The following ZFAT variants were observed in gnomAD, a reference collection of about 807,000 sequenced individuals.
ZFAT encodes zinc finger and AT-hook domain containing, also known as zinc finger protein ZFAT.
Under a neutral mutation model 117.7 loss-of-function variants are expected in ZFAT, and 64 were observed. The ratio of observed to expected loss-of-function variants is 0.54; its 90% CI spans 0.44 to 0.67. The LOEUF is 0.67. ZFAT is among the 30% of genes least tolerant of loss of function. The pLI is 0.00. For missense variants in ZFAT, 1,433 were observed against 1,584.5 expected (o/e 0.90, Z 1.62); for synonymous variants, 679 against 615.0 (o/e 1.10, Z -1.54).
chr8:134,819,621 C>G, the ZFAT span, among the ~76,000 whole-genome samples: 4 of 151,302 alleles, frequency 2.6e-5, no homozygotes, highest in East Asian at 7.8e-4. Context: ...TGACTTCTTT[C>G]TGGGCTCCTA....
At chr8:134,687,888 G>T (rs1833404324) in intron 1 of ZFAT, among the ~76,000 whole-genome samples, 1 of 152,158 alleles carries the variant, frequency 6.6e-6, no homozygotes, top group African/African-American at 2.4e-5. Context: ...TCCTCCGTGG[G>T]GCAGGCCTGC....
chr8:134,624,079 G>A (rs958668750), intron 3 of ZFAT, among the ~76,000 whole-genome samples: 1 of 152,100 alleles, frequency 6.6e-6, no homozygotes, highest in African/African-American at 2.4e-5. Flanking sequence ...TACACAAAGA[G>A]TAGGCGCTCG....
At chr8:134,600,714 T>G (rs765237036) in intron 6 of ZFAT, 46 bp from the exon 7 acceptor site, 22 of 1,430,952 alleles carry the variant, frequency 1.5e-5, no homozygotes, top group Non-Finnish European at 2.1e-5. Flanking sequence ...TCATTTTGAC[T>G]GATTTTGAAT....
At chr8:134,613,967 T>G (rs150284902) in intron 3 of ZFAT, among the ~76,000 whole-genome samples, 1 of 152,252 alleles carries the variant, frequency 6.6e-6, no homozygotes, top group Non-Finnish European at 1.5e-5. Context: ...CCTGGACTTC[T>G]TGTTACACGA....
At chr8:134,822,943 A>G in the ZFAT span, among the ~76,000 whole-genome samples, 6 of 152,148 alleles carry the variant, frequency 3.9e-5, no homozygotes, top group African/African-American at 1.4e-4. Context: ...CCCAAGCCAA[A>G]AAAGGAAAAT....
chr8:134,645,976 G>A (rs553733272), intron 2 of ZFAT, among the ~76,000 whole-genome samples: 5 of 152,126 alleles, frequency 3.3e-5, no homozygotes, highest in Non-Finnish European at 7.4e-5. Context: ...GCCGAGGCGG[G>A]TGGATCACAA....
At chr8:134,519,293 T>G (rs959731062) in intron 13 of ZFAT, among the ~76,000 whole-genome samples, 1 of 152,230 alleles carries the variant, frequency 6.6e-6, no homozygotes, top group Non-Finnish European at 1.5e-5. Flanking sequence ...TCTAGGTTTA[T>G]GTCTCTTTCA....
At chr8:134,614,111 G>T (rs1476197290) in intron 3 of ZFAT, among the ~76,000 whole-genome samples, 1 of 152,058 alleles carries the variant, frequency 6.6e-6, no homozygotes, top group Non-Finnish European at 1.5e-5. Context: ...ATCTAATCCT[G>T]TCACTTGCCT....
intron 15 of ZFAT, among the ~76,000 whole-genome samples, chr8:134,495,331 C>G (rs899444518): frequency 5.3e-5 from 8 of 152,162 alleles, no homozygotes; most frequent in Non-Finnish European, 1.2e-4. Context: ...ATCAAGCTCT[C>G]TCCTCTCTTA....
intron 1 of ZFAT, chr8:134,696,617 C>T: frequency 1.0e-6 from 1 of 986,232 alleles, no homozygotes; most frequent in Non-Finnish European, 1.2e-6. Context: ...GCGCTTCTCT[C>T]CAATACAGCC....
intron 1 of ZFAT, among the ~76,000 whole-genome samples, chr8:134,702,579 C>G (rs148156256): frequency 6.6e-6 from 1 of 152,160 alleles, no homozygotes; most frequent in East Asian, 1.9e-4. Flanking sequence ...TTGCCTACCC[C>G]CAAGTAAAAA....
chr8:134,608,557 C>T (rs1164846419), intron 5 of ZFAT, among the ~76,000 whole-genome samples, 172 bp downstream of exon 5: 2 of 152,010 alleles, frequency 1.3e-5, no homozygotes, highest in South Asian at 2.1e-4. Flanking sequence ...GCGAGCACAC[C>T]GAGGGCTGCC....
At chr8:134,776,424 T>C in the ZFAT span, among the ~76,000 whole-genome samples, 1 of 152,102 alleles carries the variant, frequency 6.6e-6, no homozygotes, top group Non-Finnish European at 1.5e-5. Context: ...CCACCTCAGC[T>C]CCCCAGTAGC....
At chr8:134,823,678 C>G in the ZFAT span, among the ~76,000 whole-genome samples, 1 of 152,184 alleles carries the variant, frequency 6.6e-6, no homozygotes, top group African/African-American at 2.4e-5. Context: ...TTGAAGGCCC[C>G]TTTAAGTCTA....
the ZFAT span, among the ~76,000 whole-genome samples, chr8:134,789,956 C>A: frequency 6.6e-6 from 1 of 152,176 alleles, no homozygotes; most frequent in African/African-American, 2.4e-5. Context: ...TAGAACAGTT[C>A]ACTAGGAAGA....
At chr8:134,495,971 C>G (rs570787071) in intron 15 of ZFAT, among the ~76,000 whole-genome samples, 1 of 152,264 alleles carries the variant, frequency 6.6e-6, no homozygotes, top group African/African-American at 2.4e-5. Context: ...CCCTGGACTC[C>G]TGATGCCAAG....
At chr8:134,670,695 A>C (rs1167782959) in intron 1 of ZFAT, among the ~76,000 whole-genome samples, 1 of 152,260 alleles carries the variant, frequency 6.6e-6, no homozygotes, top group African/African-American at 2.4e-5. Flanking sequence ...TAAAAGAACT[A>C]AAGAAGCAAG....
intron 1 of ZFAT, among the ~76,000 whole-genome samples, chr8:134,658,206 G>A (rs550368390): frequency 2.6e-5 from 4 of 152,030 alleles, no homozygotes; most frequent in African/African-American, 4.8e-5. Context: ...GCATGGCAGC[G>A]TGCACCTGTA....
At chr8:134,751,201 C>T in the ZFAT span, among the ~76,000 whole-genome samples, 1 of 152,170 alleles carries the variant, frequency 6.6e-6, no homozygotes, top group Non-Finnish European at 1.5e-5. Flanking sequence ...ACTTCTCTCC[C>T]ACTCTAAGTG....
Sources: gnomAD v4.1 joint callset for allele counts (sites outside exome capture counted in the v4.1 genomes callset) on GRCh38, gnomAD v4.1.1 for gene constraint, MANE v1.5 for transcripts, NCBI Gene and HGNC (gene_info 2026-07-23, HGNC 2026-07-21) for gene names.